Variants in CHODL observed in about 807,000 individuals in gnomAD.
The protein encoded by CHODL is chondrolectin, also known as transmembrane protein MT75.
A neutral mutation model predicts 34.5 loss-of-function variants in CHODL; 29 were observed. That is an observed-to-expected ratio of 0.84 (90% CI 0.63 to 1.15). The LOEUF (loss-of-function observed/expected upper bound fraction) is 1.15. Among genes scored for constraint, CHODL ranks in the 50% most tolerant of loss-of-function variants. The pLI, the probability that CHODL is intolerant of heterozygous loss-of-function variation, is 0.00. For missense variants in CHODL, 332 were observed against 332.5 expected (o/e 1.00, Z 0.01); for synonymous variants, 125 against 116.1 (o/e 1.08, Z -0.49).
rs2063336099 is a variant in CHODL, at chr21:17,938,496, G to GTTTTTTTTTTTTTTTTTTT, written c.-145+21096_-145+21097insTTTTTTTTTTTTTTTTTTT. Among the ~76,000 whole-genome samples the GTTTTTTTTTTTTTTTTTTT allele has an allele frequency of 3.2e-4, 14 of 43,682 alleles. 6 individuals are homozygous for GTTTTTTTTTTTTTTTTTTT. The highest frequency in any genetic ancestry group is 1.1e-3 in the African/African-American group (12 of 10,956). The allele number at this position is 43,682 out of a possible 152,430, so 28.7% of individuals were successfully genotyped here. A position where few individuals can be genotyped will look rare whatever the true frequency, so the allele number is the denominator to read the frequency against. On this transcript the variant is annotated intron_variant, in intron 1 of 6. Transcript: ENST00000400127. ...TTTTTTTTTTTTTTTTTTTTTTTAAGGAAAGGGAGTCTCGCTCCATCGCCC... is the reference window on the plus strand; with the variant it reads ...TTTTTTTTTTTTTTTTTTTTTTTAAGTTTTTTTTTTTTTTTTTTTGAAAGGGAGTCTCGCTCCATCGCCC...
chr21:17,949,735 G>A (rs2063440807), intron 1 of CHODL, among the ~76,000 whole-genome samples: 2 of 152,162 alleles, frequency 1.3e-5, no homozygotes, highest in South Asian at 4.1e-4. Flanking sequence ...AGTGAAGTGA[G>A]CCAGAGAGAT....
At chr21:18,170,002 C>G (rs1316712264) in intron 2 of CHODL, among the ~76,000 whole-genome samples, 1 of 151,898 alleles carries the variant, frequency 6.6e-6, no homozygotes, top group Non-Finnish European at 1.5e-5. Flanking sequence ...GAATTTTGTA[C>G]TAGTTGTGCC....
At chr21:18,095,502 G>A (rs2065129259) in intron 2 of CHODL, among the ~76,000 whole-genome samples, 1 of 152,104 alleles carries the variant, frequency 6.6e-6, no homozygotes, top group Admixed American at 6.6e-5. Context: ...TAATGAGATT[G>A]AACCCATATT....
chr21:18,111,167 T>C (rs1012131550), intron 2 of CHODL, among the ~76,000 whole-genome samples: 2 of 152,182 alleles, frequency 1.3e-5, no homozygotes, highest in Non-Finnish European at 2.9e-5. Context: ...CATGAGCTCC[T>C]GGAGATTCTT....
intron 2 of CHODL, among the ~76,000 whole-genome samples, chr21:18,221,344 A>C (rs897660289): frequency 1.3e-5 from 2 of 152,102 alleles, no homozygotes. Context: ...GAGTTTCTTT[A>C]ACATCATGAT....
At chr21:17,922,286 C>T (rs1760289577) in intron 1 of CHODL, among the ~76,000 whole-genome samples, 1 of 152,000 alleles carries the variant, frequency 6.6e-6, no homozygotes, top group African/African-American at 2.4e-5. Flanking sequence ...TGAGCTCACT[C>T]ATGTCTCCTG....
chr21:18,155,748 C>T (rs540599062), intron 2 of CHODL, among the ~76,000 whole-genome samples: 1 of 152,172 alleles, frequency 6.6e-6, no homozygotes, highest in Non-Finnish European at 1.5e-5. Flanking sequence ...GAAACAATAA[C>T]CCTGAATGGA....
At chr21:18,199,482 A>G (rs969581295) in intron 2 of CHODL, among the ~76,000 whole-genome samples, 1 of 152,080 alleles carries the variant, frequency 6.6e-6, no homozygotes, top group Non-Finnish European at 1.5e-5. Flanking sequence ...ATACATTACT[A>G]TGAACTAAAA....
intron 2 of CHODL, among the ~76,000 whole-genome samples, chr21:18,138,406 G>A (rs989910253): frequency 6.6e-6 from 1 of 152,036 alleles, no homozygotes. Context: ...AAGTAAAAGT[G>A]GATGACCATG....
intron 2 of CHODL, among the ~76,000 whole-genome samples, chr21:18,063,489 T>G (rs1489617344): frequency 1.3e-5 from 2 of 152,170 alleles, no homozygotes; most frequent in Admixed American, 6.5e-5. Flanking sequence ...GGAAAAAAAT[T>G]GATTGAAGAG....
chr21:18,104,004 A>T (rs982145294), intron 2 of CHODL, among the ~76,000 whole-genome samples: 1 of 152,170 alleles, frequency 6.6e-6, no homozygotes, highest in African/African-American at 2.4e-5. Context: ...CAATGAGACA[A>T]TGTCTGTTAG....
intron 2 of CHODL, among the ~76,000 whole-genome samples, chr21:18,120,530 C>T (rs2065467059): frequency 6.6e-6 from 1 of 152,058 alleles, no homozygotes; most frequent in Admixed American, 6.6e-5. Context: ...TGTCTCCTTT[C>T]CTGACAATAG....
chr21:18,077,235 A>G (rs1456571696), intron 2 of CHODL, among the ~76,000 whole-genome samples: 1 of 152,166 alleles, frequency 6.6e-6, no homozygotes. Flanking sequence ...TGCCTGTCAC[A>G]CCATTGTTTC....
chr21:18,087,581 G>A (rs1030945940), intron 2 of CHODL, among the ~76,000 whole-genome samples: 1 of 152,074 alleles, frequency 6.6e-6, no homozygotes, highest in African/African-American at 2.4e-5. Context: ...GTCCTTCCTT[G>A]GCTAAGTGGG....
rs192951945 is a variant in CHODL at position 18,153,481 on chromosome 21, C to T, written c.-44-103028C>T. 4.5e-4 allele frequency among the ~76,000 whole-genome samples: 69 copies of T among 152,116 alleles called. 1 individual carries two copies. The highest frequency in any genetic ancestry group is 1.5e-3 in the African/African-American group (64 of 41,514). ...ATATCTTTGACCTCCCTTTTTGCCTCGTAACTTCTCTGTCTCCCTCTCCTG... is the reference window on the plus strand; with the variant it reads ...ATATCTTTGACCTCCCTTTTTGCCTTGTAACTTCTCTGTCTCCCTCTCCTG... On this transcript the variant is annotated intron_variant, in intron 2 of 6. Transcript: ENST00000400127.
intron 2 of CHODL, among the ~76,000 whole-genome samples, chr21:18,060,401 G>A (rs758545347): frequency 1.1e-4 from 16 of 151,876 alleles, no homozygotes; most frequent in Non-Finnish European, 1.9e-4. Context: ...AGCGAGCCGT[G>A]TTTGCACCAC....
At chr21:18,195,028 A>ATTTATTTATTTAT (rs752194354) in intron 2 of CHODL, among the ~76,000 whole-genome samples, 1 of 144,014 alleles carries the variant, frequency 6.9e-6, no homozygotes, top group South Asian at 2.2e-4. Flanking sequence ...AATACAATAC[A>ATTTATTTATTTAT]TTATTTATTT....
intron 1 of CHODL, among the ~76,000 whole-genome samples, chr21:18,018,560 A>G (rs1324849811): frequency 2.0e-5 from 3 of 152,166 alleles, no homozygotes; most frequent in Non-Finnish European, 4.4e-5. Flanking sequence ...TGCCGTGAGT[A>G]AAAGCTTCCT....
At chr21:18,194,748 T>C (rs1002281337) in intron 2 of CHODL, among the ~76,000 whole-genome samples, 3 of 152,160 alleles carry the variant, frequency 2.0e-5, no homozygotes, top group South Asian at 2.1e-4. Flanking sequence ...TACATACTTA[T>C]CATTTTTCGT....
Sources: allele counts gnomAD v4.1 joint callset (sites outside exome capture counted in the v4.1 genomes callset), GRCh38; gene constraint gnomAD v4.1.1; transcripts MANE v1.5; gene names NCBI Gene and HGNC (gene_info 2026-07-23, HGNC 2026-07-21).